Variants in PPP1R13B observed in about 807,000 individuals in gnomAD.
PPP1R13B encodes the protein protein phosphatase 1 regulatory subunit 13B, also known as apoptosis-stimulating of p53 protein 1.
Under a neutral mutation model 119.8 loss-of-function variants are expected in PPP1R13B, and 44 were observed. The ratio of observed to expected loss-of-function variants is 0.37; its 90% CI spans 0.29 to 0.47. PPP1R13B has a LOEUF of 0.47. PPP1R13B is among the 20% of genes least tolerant of loss of function. PPP1R13B has a pLI of 0.99. For missense variants in PPP1R13B, 1,227 were observed against 1,413.5 expected (o/e 0.87, Z 2.12); for synonymous variants, 542 against 561.5 (o/e 0.97, Z 0.49).
rs541976661 is a variant in PPP1R13B, at chr14:103,761,033, G to A, written c.355-3282C>T. 4.6e-5 allele frequency among the ~76,000 whole-genome samples: 7 copies of A among 152,096 alleles called. No homozygotes were observed. The South Asian group carries it at 1.2e-3, about 27-fold the overall frequency. Reference sequence around the variant, plus strand: ...AAATATTTTGCTAATATGTGGCCACGCATGATGGCTCACGGCTATAATCCC... The same window carrying A: ...AAATATTTTGCTAATATGTGGCCACACATGATGGCTCACGGCTATAATCCC... On this transcript the variant is annotated intron_variant, in intron 4 of 16. Transcript: ENST00000202556.
chr14:103,818,604 T>A (rs2086332446), intron 1 of PPP1R13B: 2 of 525,072 alleles, frequency 3.8e-6, no homozygotes, highest in Non-Finnish European at 4.9e-6. Context: ...CAGATGACAA[T>A]TCTTTCTCCT....
intron 7 of PPP1R13B, among the ~76,000 whole-genome samples, chr14:103,752,561 GTCTCAC>G (rs1483865627): frequency 7.1e-6 from 1 of 141,468 alleles, no homozygotes; most frequent in Non-Finnish European, 1.5e-5. Context: ...TTGAGACAGA[GTCTCAC>G]TCTGTCACCC....
intron 8 of PPP1R13B, chr14:103,747,046 GCT>G (rs1193956014): frequency 6.6e-6 from 1 of 152,602 alleles, no homozygotes; most frequent in Non-Finnish European, 1.5e-5. Flanking sequence ...AGCACGTAAG[GCT>G]CTGACTCCCA....
chr14:103,781,416 G>A (rs981307333), intron 3 of PPP1R13B, among the ~76,000 whole-genome samples: 62 of 152,216 alleles, frequency 4.1e-4, no homozygotes, highest in Admixed American at 3.5e-3. Flanking sequence ...ATGTAATGGT[G>A]TATTCTAAAA....
intron 4 of PPP1R13B, chr14:103,763,080 T>C: frequency 9.1e-7 from 1 of 1,104,676 alleles, no homozygotes; most frequent in South Asian, 1.4e-5. Flanking sequence ...TCACCAGCAC[T>C]TTGTGAAGGT....
intron 16 of PPP1R13B, 42 bp from the exon 17 acceptor site, chr14:103,735,237 C>G (rs771733213): frequency 6.2e-7 from 1 of 1,609,660 alleles, no homozygotes; most frequent in Non-Finnish European, 8.5e-7. Context: ...AAGCCACACA[C>G]AGGGAGCAGG....
Position 103,734,373 on chromosome 14 carries a change from CCATT to C in PPP1R13B, c.*777_*780del, listed in dbSNP as rs1039179372. The C allele has an allele frequency of 1.3e-5, 5 of 387,696 alleles. No homozygotes were observed. The highest frequency in any genetic ancestry group is 8.3e-5 in the African/African-American group (4 of 48,342). 24.0% of individuals were successfully genotyped at this position (387,696 alleles called of 1,614,324 possible). On this transcript the variant is annotated 3_prime_UTR_variant, in exon 17 of 17. Transcript: ENST00000202556. ...CTGCCACGGCCTCCAGCACCTGACT[CCATT>C]CAGGGAACTGAATTTGAGCTTGCAG...
chr14:103,777,740 C>A (rs903719405), intron 4 of PPP1R13B, among the ~76,000 whole-genome samples: 1 of 149,674 alleles, frequency 6.7e-6, no homozygotes, highest in African/African-American at 2.5e-5. Flanking sequence ...TATCTACCCC[C>A]AAAATAATTA....
At chr14:103,793,517 C>A (rs2085680282) in intron 2 of PPP1R13B, among the ~76,000 whole-genome samples, 1 of 152,182 alleles carries the variant, frequency 6.6e-6, no homozygotes, top group Non-Finnish European at 1.5e-5. Flanking sequence ...CCCAGCCTTG[C>A]AGAACTGTGA....
At position 103,739,910 on chromosome 14, in the gene PPP1R13B, G is replaced by T; in HGVS notation, c.2506C>A (p.Pro836Thr). ...CCTGGAGATGGGGCCTCAGCCACAG[G>T]ACTCGGGATCTGCTCCGTGGTGGGG... is the stretch of plus-strand genomic sequence containing the variant. ...TVPTTEQIPS[P>T]VAEAPSPGEE... Residue 836 changes from proline to threonine, a missense_variant, in exon 12 of 17, where the codon CCT (proline) becomes ACT (threonine). By Grantham distance (38) the Pro-to-Thr change is conservative. Coordinates refer to ENST00000202556, the MANE Select transcript of PPP1R13B (RefSeq NM_015316.3). The T allele has an allele frequency of 6.2e-7, 1 of 1,614,034 alleles. No homozygotes were observed. The highest frequency in any genetic ancestry group is 8.5e-7 in the Non-Finnish European group (1 of 1,180,016).
At chr14:103,844,123 C>T (rs928105981) in intron 1 of PPP1R13B, among the ~76,000 whole-genome samples, 13 of 151,634 alleles carry the variant, frequency 8.6e-5, no homozygotes, top group Admixed American at 3.3e-4. Context: ...AAAAATTAGC[C>T]GTTTGCCGTG....
chr14:103,764,460 T>C (rs2084890155), intron 4 of PPP1R13B: 2 of 354,800 alleles, frequency 5.6e-6, no homozygotes, highest in South Asian at 2.2e-5. Context: ...TGTAACAGTA[T>C]GTTATCCCAG....
intron 1 of PPP1R13B, among the ~76,000 whole-genome samples, chr14:103,825,697 G>A (rs958904586): frequency 6.6e-6 from 1 of 152,170 alleles, no homozygotes; most frequent in Admixed American, 6.6e-5. Context: ...GAGCTTCAAG[G>A]AAAGAAGTCA....
Position 103,738,729 on chromosome 14 carries a change from C to G in PPP1R13B, c.2814G>C (p.Lys938Asn). 1 of 1,614,270 alleles carries G rather than the reference C, an allele frequency of 6.2e-7. No homozygotes were observed. Among genetic ancestry groups the G allele is most frequent in the Non-Finnish European group, 8.5e-7 (1 of 1,180,052 alleles). The change falls in exon 14 of 17, where the codon AAG (lysine) becomes AAC (asparagine). Residue 938 changes from lysine (K) to asparagine (N), a missense_variant. Physicochemically the swap from Lys to Asn is moderately conservative, Grantham distance 94 (BLOSUM62 0). Coordinates refer to ENST00000202556, the MANE Select transcript of PPP1R13B (RefSeq NM_015316.3). This position sits in a 1 kb window ranked among gnomAD's most constrained non-coding sequence, Gnocchi z 5.6. ...CGTTGACACCAAAATCCAGCAGGAA[C>G]TTCACGATGTGATGGTGGCCGGCGC... is the stretch of plus-strand genomic sequence containing the variant. ...AVCAGHHHIV[K>N]FLLDFGVNVN...
intron 4 of PPP1R13B, among the ~76,000 whole-genome samples, chr14:103,764,742 C>T (rs928235563): frequency 1.1e-4 from 16 of 151,980 alleles, no homozygotes; most frequent in African/African-American, 3.9e-4. Context: ...TCTGCAGTGC[C>T]ATTTTAAAAT....
At chr14:103,772,846 T>C (rs1363826302) in intron 4 of PPP1R13B, among the ~76,000 whole-genome samples, 5 of 152,158 alleles carry the variant, frequency 3.3e-5, no homozygotes, top group South Asian at 2.1e-4. Context: ...TTTGTATTTT[T>C]AGTAGAGACA....
Position 103,784,808 on chromosome 14 carries a change from C to G in PPP1R13B, c.264G>C (p.Glu88Asp). Residue 88 changes from glutamate to aspartate, a missense_variant, in exon 3 of 17, where the codon GAG becomes GAC. Physicochemically the swap from Glu to Asp is conservative, Grantham distance 45 (BLOSUM62 2). Coordinates refer to ENST00000202556, the MANE Select transcript of PPP1R13B (RefSeq NM_015316.3). Reference protein sequence around the residue: ...FFLRHEDSPTENSEQGGRQTQ... With the variant: ...FFLRHEDSPTDNSEQGGRQTQ... ...GCAGTTATCTACCTTGTTCACTGTT[C>G]TCAGTTGGGGAGTCCTCGTGTCGAA... 1 of 1,601,650 alleles carries G rather than the reference C, an allele frequency of 6.2e-7. No homozygotes were observed. Among genetic ancestry groups the G allele is most frequent in the Non-Finnish European group, 8.5e-7 (1 of 1,170,640 alleles).
intron 1 of PPP1R13B, among the ~76,000 whole-genome samples, chr14:103,800,846 T>C (rs2085884390): frequency 6.6e-6 from 1 of 151,924 alleles, no homozygotes; most frequent in South Asian, 2.1e-4. Flanking sequence ...TACCATTTCA[T>C]TTTTTTTCTT....
upstream of PPP1R13B, chr14:103,847,644 G>T (rs995718274): frequency 3.1e-5 from 30 of 982,734 alleles, no homozygotes; most frequent in African/African-American, 5.1e-4. Context: ...CCCCGCACGG[G>T]TCCCGTAGCC....
Sources: allele counts gnomAD v4.1 joint callset (sites outside exome capture counted in the v4.1 genomes callset), GRCh38; gene constraint gnomAD v4.1.1; non-coding constraint Gnocchi (gnomAD v3.1); transcripts MANE v1.5; gene names NCBI Gene and HGNC (gene_info 2026-07-23, HGNC 2026-07-21).